DPH6: variants seen among roughly 807,000 people sequenced by gnomAD.
DPH6 encodes diphthine--ammonia ligase.
Under a neutral mutation model 38.2 loss-of-function variants are expected in DPH6, and 33 were observed. The ratio of observed to expected loss-of-function variants is 0.86; its 90% confidence interval spans 0.65 to 1.15. The LOEUF (loss-of-function observed/expected upper bound fraction) is 1.15, where lower values mean the gene tolerates loss of function less well. Among genes scored for constraint, DPH6 ranks in the 50% most tolerant of loss-of-function variants. The pLI is 0.00. For synonymous variants in DPH6, 108 were observed against 103.0 expected (o/e 1.05, Z -0.30); for missense variants, 325 against 320.0 (o/e 1.02, Z -0.12).
At chr15:35,350,135 G>A (rs2052497259) in intron 3 of DPH6, among the ~76,000 whole-genome samples, 1 of 152,046 alleles carries the variant, frequency 6.6e-6, no homozygotes, top group Admixed American at 6.6e-5. Context: ...CTCGTTATTG[G>A]TCTACAAAGA....
At chr15:35,323,912 A>G (rs2140849007) in intron 3 of DPH6, among the ~76,000 whole-genome samples, 1 of 152,318 alleles carries the variant, frequency 6.6e-6, no homozygotes, top group African/African-American at 2.4e-5. Context: ...GCTTGAGAAA[A>G]GTACCTAATA....
At chr15:35,489,614 G>A (rs1255991271) in intron 3 of DPH6, 5 of 982,370 alleles carry the variant, frequency 5.1e-6, no homozygotes, top group Non-Finnish European at 6.0e-6. Context: ...CAAATATTTA[G>A]AAAGTTCTCT....
chr15:35,213,785 C>A (rs1022256491), downstream of DPH6, among the ~76,000 whole-genome samples: 6 of 152,204 alleles, frequency 3.9e-5, no homozygotes, highest in African/African-American at 1.4e-4. Context: ...CCACGCAGTG[C>A]TTACCTATCC....
intron 3 of DPH6, among the ~76,000 whole-genome samples, chr15:35,287,720 AT>A (rs1011010164): frequency 3.3e-5 from 5 of 151,738 alleles, no homozygotes; most frequent in Admixed American, 1.3e-4. Context: ...CCTTACTTAA[AT>A]TTTTTTTTCT....
chr15:35,284,419 C>T (rs558256289), intron 3 of DPH6, among the ~76,000 whole-genome samples: 44 of 151,910 alleles, frequency 2.9e-4, no homozygotes, highest in South Asian at 1.0e-3. Context: ...TCCAAGGAGA[C>T]GTGTCTACAT....
chr15:35,528,430 G>T (rs2055037325), intron 3 of DPH6, among the ~76,000 whole-genome samples: 1 of 152,020 alleles, frequency 6.6e-6, no homozygotes, highest in South Asian at 2.1e-4. Context: ...ATTAGCTGTG[G>T]AATTGTCAGT....
chr15:35,305,672 T>C (rs1158027531), intron 3 of DPH6, among the ~76,000 whole-genome samples: 2 of 152,136 alleles, frequency 1.3e-5, no homozygotes, highest in East Asian at 1.9e-4. Context: ...AGATCTCACA[T>C]AGACAGAATT....
At chr15:35,164,577 A>G in the DPH6 span, among the ~76,000 whole-genome samples, 1 of 151,852 alleles carries the variant, frequency 6.6e-6, no homozygotes, top group African/African-American at 2.4e-5. Flanking sequence ...TAGTATAAAA[A>G]TATTTTATTG....
At chr15:35,178,174 A>G in the DPH6 span, among the ~76,000 whole-genome samples, 1 of 152,222 alleles carries the variant, frequency 6.6e-6, no homozygotes, top group African/African-American at 2.4e-5. Flanking sequence ...GACTAAATTG[A>G]AACAACTTTT....
At chr15:35,337,235 G>C (rs1468859229) in intron 3 of DPH6, among the ~76,000 whole-genome samples, 1 of 152,180 alleles carries the variant, frequency 6.6e-6, no homozygotes, top group Admixed American at 6.6e-5. Context: ...TATTTGCATA[G>C]AGGTGTTTGT....
chr15:35,325,531 A>G (rs561830940), intron 3 of DPH6, among the ~76,000 whole-genome samples: 15 of 152,314 alleles, frequency 9.8e-5, no homozygotes, highest in African/African-American at 3.4e-4. Context: ...TGCGGAAAAC[A>G]TAAAAGCTAA....
At chr15:35,316,448 G>C (rs759683961) in intron 3 of DPH6, among the ~76,000 whole-genome samples, 4 of 152,060 alleles carry the variant, frequency 2.6e-5, no homozygotes, top group African/African-American at 4.8e-5. Flanking sequence ...AAAGCAACCT[G>C]AAACTTAAAA....
chr15:35,203,039 T>G, the DPH6 span, among the ~76,000 whole-genome samples: 2 of 151,786 alleles, frequency 1.3e-5, no homozygotes, highest in Admixed American at 1.3e-4. Flanking sequence ...TACATAGCTC[T>G]GCCAGGTATT....
At chr15:35,149,298 C>G in the DPH6 span, among the ~76,000 whole-genome samples, 1 of 152,142 alleles carries the variant, frequency 6.6e-6, no homozygotes, top group Non-Finnish European at 1.5e-5. Flanking sequence ...AGTTCAGTGG[C>G]CCCATCTCGG....
At position 35,340,865 on chromosome 15, in the gene DPH6, T is replaced by C. The variant is rs2052415306; in HGVS notation, n.208-9788A>G. Among the ~76,000 whole-genome samples the C allele has an allele frequency of 3.3e-5, 5 of 152,162 alleles. 1 individual carries two copies. In the South Asian group the frequency reaches 1.0e-3, roughly 32 times the overall value. On this transcript the variant is annotated intron_variant and non_coding_transcript_variant, in intron 3 of 3. Transcript: ENST00000558973. ...TGATGATTATGTGTCTGGGGATTGA[T>C]CTTCTCATGGAGTATCTTACTGTGG...
At chr15:35,289,146 G>C (rs1329131497) in intron 3 of DPH6, among the ~76,000 whole-genome samples, 1 of 152,160 alleles carries the variant, frequency 6.6e-6, no homozygotes, top group East Asian at 1.9e-4. Flanking sequence ...GTTTCTGGCT[G>C]CTGGATCACT....
chr15:35,346,041 G>C (rs72703137), intron 3 of DPH6, among the ~76,000 whole-genome samples: 70 of 151,900 alleles, frequency 4.6e-4, no homozygotes, highest in Middle Eastern at 6.8e-3. Context: ...TAAGTGAAAC[G>C]AAAGTGCATC....
intron 3 of DPH6, among the ~76,000 whole-genome samples, chr15:35,262,833 AC>A (rs2051758300): frequency 1.3e-5 from 2 of 151,870 alleles, no homozygotes; most frequent in African/African-American, 4.8e-5. Context: ...AGAGATCTTT[AC>A]CAAAGTACCT....
chr15:35,285,250 A>C (rs1464048152), intron 3 of DPH6, among the ~76,000 whole-genome samples: 1 of 152,124 alleles, frequency 6.6e-6, no homozygotes, highest in East Asian at 1.9e-4. Context: ...AAGAACTTAC[A>C]GTAGTCATTT....
Sources: allele counts gnomAD v4.1 joint callset (sites outside exome capture counted in the v4.1 genomes callset), GRCh38; gene constraint gnomAD v4.1.1; transcripts MANE v1.5; gene names NCBI Gene and HGNC (gene_info 2026-07-23, HGNC 2026-07-21).